Variants in RARB observed in about 807,000 individuals in gnomAD.
RARB encodes the protein HBV-activated protein.
Under a neutral mutation model 51.9 loss-of-function variants are expected in RARB, and 17 were observed. The ratio of observed to expected loss-of-function variants is 0.33; its 90% CI spans 0.22 to 0.49. The LOEUF (loss-of-function observed/expected upper bound fraction) is 0.49. Among genes scored for constraint, RARB ranks in the 20% least tolerant of loss-of-function variants. The pLI is 0.99. For missense variants in RARB, 369 were observed against 550.8 expected, an observed-to-expected ratio of 0.67 and a Z score of 3.30; for synonymous variants, 215 against 195.4, an observed-to-expected ratio of 1.10 and a Z score of -0.84.
Position 25,428,625 on chromosome 3 carries a change from G to A in RARB, c.-107G>A. ...TGGGAAAAAGACCAACAGCCTACGT[G>A]CCAAAAAAGGGGCAGAGTTTGATGG... On this transcript the variant is annotated 5_prime_UTR_variant, in exon 1 of 8. Transcript: ENST00000330688. 1 of 1,444,890 alleles carries A rather than the reference G, an allele frequency of 6.9e-7. No homozygotes were observed. Among genetic ancestry groups the A allele is most frequent in the South Asian group, 1.6e-5 (1 of 61,316 alleles). 89.5% of individuals were successfully genotyped at this position (1,444,890 alleles called of 1,614,324 possible).
intron 4 of RARB, among the ~76,000 whole-genome samples, chr3:25,158,149 A>C (rs145662762): frequency 3.3e-5 from 5 of 152,348 alleles, no homozygotes; most frequent in African/African-American, 1.2e-4. Context: ...CAGCCAGCCT[A>C]TCAAGATAAT....
chr3:25,262,703 G>C (rs1487268499), intron 5 of RARB, among the ~76,000 whole-genome samples: 2 of 152,086 alleles, frequency 1.3e-5, no homozygotes, highest in Non-Finnish European at 2.9e-5. Context: ...TGCCCACCTG[G>C]GAAATCCAGG....
chr3:25,442,538 T>G (rs891557510), intron 1 of RARB, among the ~76,000 whole-genome samples: 14 of 152,230 alleles, frequency 9.2e-5, no homozygotes, highest in African/African-American at 3.1e-4. Context: ...TATTATTCTT[T>G]CAGTATTTGT....
At chr3:25,055,946 G>A (rs1318195677) in intron 2 of RARB, among the ~76,000 whole-genome samples, 1 of 152,074 alleles carries the variant, frequency 6.6e-6, no homozygotes, top group East Asian at 1.9e-4. Flanking sequence ...GACAGCATCT[G>A]CCACACCAGT....
chr3:24,831,155 GA>G (rs139858798), intron 1 of RARB, among the ~76,000 whole-genome samples: 68 of 152,314 alleles, frequency 4.5e-4, no homozygotes, highest in African/African-American at 1.6e-3. Flanking sequence ...AAGTTTAAAT[GA>G]AGCTTTGAGC....
Position 25,309,121 on chromosome 3 carries a change from G to A in RARB, c.178+134546G>A, listed in dbSNP as rs938039397. Among the ~76,000 whole-genome samples, 3 of 145,524 alleles carry A rather than the reference G, an allele frequency of 2.1e-5. No homozygotes were observed. In the Admixed American group the frequency reaches 2.1e-4, roughly 10 times the overall value. On this transcript the variant is annotated intron_variant, in intron 5 of 11. Coordinates refer to the RARB transcript ENST00000383772. ...GTCCCCTGTCATTTCTGCGTGGACT[G>A]TGCCTCCATTTTTTTTTTTTTTTTT... is the stretch of plus-strand genomic sequence containing the variant.
chr3:24,874,060 T>A (rs574053675), intron 2 of RARB, among the ~76,000 whole-genome samples: 1 of 152,200 alleles, frequency 6.6e-6, no homozygotes, highest in South Asian at 2.1e-4. Flanking sequence ...AGAAATGATT[T>A]GAAATATACG....
At chr3:25,255,678 C>T (rs1454930715) in intron 5 of RARB, among the ~76,000 whole-genome samples, 1 of 152,028 alleles carries the variant, frequency 6.6e-6, no homozygotes, top group Non-Finnish European at 1.5e-5. Context: ...TGTAGAGAGA[C>T]TTTGCGTTAT....
intron 1 of RARB, among the ~76,000 whole-genome samples, chr3:25,448,170 T>A (rs931018268): frequency 6.6e-6 from 1 of 152,050 alleles, no homozygotes; most frequent in African/African-American, 2.4e-5. Context: ...ACTCCCGAGT[T>A]CATACTTCCA....
chr3:25,541,230 A>C (rs532295517), intron 3 of RARB, among the ~76,000 whole-genome samples: 42 of 152,306 alleles, frequency 2.8e-4, no homozygotes, highest in African/African-American at 9.6e-4. Flanking sequence ...TAGCCACTCT[A>C]GTGGCCCTGA....
intron 2 of RARB, among the ~76,000 whole-genome samples, chr3:25,059,277 A>G (rs2125303204): frequency 6.6e-6 from 1 of 151,756 alleles, no homozygotes; most frequent in South Asian, 2.1e-4. Context: ...TTGGATGCCT[A>G]TCTATTTCCT....
chr3:25,395,432 T>A (rs188263096), intron 5 of RARB, among the ~76,000 whole-genome samples: 2 of 152,318 alleles, frequency 1.3e-5, no homozygotes, highest in African/African-American at 4.8e-5. Context: ...GCTGCTTGTA[T>A]TTGGATGTCT....
chr3:24,905,134 A>G (rs1694829995), intron 2 of RARB, among the ~76,000 whole-genome samples: 1 of 152,180 alleles, frequency 6.6e-6, no homozygotes, highest in South Asian at 2.1e-4. Flanking sequence ...TTAAAGTATA[A>G]TAAAAATAAA....
chr3:24,901,285 G>A (rs1258664785), intron 2 of RARB, among the ~76,000 whole-genome samples: 1 of 152,188 alleles, frequency 6.6e-6, no homozygotes, highest in African/African-American at 2.4e-5. Context: ...ATTACGGGTG[G>A]ACATAAAGCA....
chr3:25,579,775 C>T (rs1257202497), intron 4 of RARB, among the ~76,000 whole-genome samples: 1 of 152,146 alleles, frequency 6.6e-6, no homozygotes, highest in African/African-American at 2.4e-5. Flanking sequence ...TGTAGTTTAC[C>T]GTGTCCCTGG....
intron 2 of RARB, among the ~76,000 whole-genome samples, chr3:25,481,038 G>A (rs1224551567): frequency 6.6e-6 from 1 of 152,194 alleles, no homozygotes; most frequent in Non-Finnish European, 1.5e-5. Context: ...CTACAGGAAT[G>A]TGGAACTAGC....
intron 2 of RARB, among the ~76,000 whole-genome samples, chr3:24,903,060 A>G (rs1166799799): frequency 6.6e-6 from 1 of 152,170 alleles, no homozygotes; most frequent in Non-Finnish European, 1.5e-5. Flanking sequence ...CTGTTTTGAC[A>G]TGCTTTCAAA....
chr3:24,885,027 G>A (rs1703242086), intron 2 of RARB, among the ~76,000 whole-genome samples: 1 of 152,128 alleles, frequency 6.6e-6, no homozygotes, highest in Non-Finnish European at 1.5e-5. Flanking sequence ...AATATTAGAA[G>A]GACCTTGACG....
chr3:25,037,803 G>A (rs1040771196), intron 2 of RARB, among the ~76,000 whole-genome samples: 10 of 152,120 alleles, frequency 6.6e-5, no homozygotes, highest in Non-Finnish European at 1.2e-4. Flanking sequence ...ACTTACAACA[G>A]GGAAGTACAA....
Sources: allele counts gnomAD v4.1 joint callset (sites outside exome capture counted in the v4.1 genomes callset), GRCh38; gene constraint gnomAD v4.1.1; transcripts MANE v1.5; gene names NCBI Gene and HGNC (gene_info 2026-07-23, HGNC 2026-07-21).